Variants in PARD3B observed in about 807,000 individuals in gnomAD.
The protein encoded by PARD3B is partitioning defective 3 homolog B.
PARD3B carries 103 observed loss-of-function variants against 130.2 expected under a neutral mutation model. That is an observed-to-expected ratio of 0.79 (90% confidence interval 0.67 to 0.93). The LOEUF (loss-of-function observed/expected upper bound fraction) is 0.93. PARD3B is among the 40% of genes least tolerant of loss of function. The pLI is 0.00. For synonymous variants in PARD3B, 583 were observed against 553.2 expected, an observed-to-expected ratio of 1.05 and a Z score of -0.76; for missense variants, 1,609 against 1,499.2, an observed-to-expected ratio of 1.07 and a Z score of -1.21.
At chr2:204,556,040 C>T (rs2030900826) in intron 1 of PARD3B, among the ~76,000 whole-genome samples, 1 of 152,160 alleles carries the variant, frequency 6.6e-6, no homozygotes, top group Admixed American at 6.5e-5. Flanking sequence ...AGATATTTGT[C>T]TCTTTTGTTC....
At chr2:205,069,203 C>T (rs2125478721) in intron 4 of PARD3B, among the ~76,000 whole-genome samples, 1 of 152,044 alleles carries the variant, frequency 6.6e-6, no homozygotes, top group Admixed American at 6.5e-5. Context: ...GTTCTCTATC[C>T]ATATTAGTAA....
At chr2:204,795,893 CAT>C (rs1277535818) in intron 2 of PARD3B, among the ~76,000 whole-genome samples, 6 of 152,076 alleles carry the variant, frequency 3.9e-5, no homozygotes, top group South Asian at 2.1e-4. Context: ...TTGTGTATAA[CAT>C]ATGAATCCTG....
intron 4 of PARD3B, among the ~76,000 whole-genome samples, chr2:205,082,919 CTT>C (rs34303779): frequency 3.0e-4 from 41 of 136,542 alleles, no homozygotes; most frequent in Admixed American, 3.0e-4. Context: ...TAAAATATAT[CTT>C]TTTTTTTTTT....
At chr2:204,654,594 T>C (rs2035584814) in intron 1 of PARD3B, among the ~76,000 whole-genome samples, 1 of 152,182 alleles carries the variant, frequency 6.6e-6, no homozygotes, top group Non-Finnish European at 1.5e-5. Context: ...TATATCCATA[T>C]AGTGGATTTT....
At chr2:205,218,794 C>T (rs1444479171) in intron 15 of PARD3B, among the ~76,000 whole-genome samples, 2 of 151,900 alleles carry the variant, frequency 1.3e-5, no homozygotes, top group Non-Finnish European at 2.9e-5. Flanking sequence ...AAATTACTGC[C>T]TGTGGCTGGG....
chr2:204,865,381 A>G (rs1190282434), intron 2 of PARD3B, among the ~76,000 whole-genome samples: 5 of 152,244 alleles, frequency 3.3e-5, no homozygotes, highest in Non-Finnish European at 7.3e-5. Flanking sequence ...TGACTTCCAT[A>G]TGCAAATGCC....
At chr2:205,038,834 T>C (rs141880094) in intron 3 of PARD3B, among the ~76,000 whole-genome samples, 4 of 152,332 alleles carry the variant, frequency 2.6e-5, no homozygotes, top group South Asian at 2.1e-4. Context: ...TGACTTGAAC[T>C]TCCTTCCTCG....
intron 10 of PARD3B, among the ~76,000 whole-genome samples, chr2:205,154,166 C>A (rs1223651836): frequency 6.6e-6 from 1 of 152,076 alleles, no homozygotes; most frequent in Non-Finnish European, 1.5e-5. Context: ...GGGCTAATAT[C>A]CAGAATCTAC....
At chr2:205,361,630 G>A (rs1190738817) in intron 18 of PARD3B, among the ~76,000 whole-genome samples, 2 of 152,112 alleles carry the variant, frequency 1.3e-5, no homozygotes, top group Admixed American at 6.5e-5. Context: ...TTAAGGTAAC[G>A]TCTTTAGGTA....
At chr2:205,414,812 G>C (rs1395155293) in intron 19 of PARD3B, among the ~76,000 whole-genome samples, 2 of 151,934 alleles carry the variant, frequency 1.3e-5, no homozygotes, top group Admixed American at 6.6e-5. Context: ...GCCAAAGAAA[G>C]TTTCAAGTGC....
chr2:205,189,158 CTCTG>C (rs2036258292), intron 14 of PARD3B, among the ~76,000 whole-genome samples: 1 of 152,184 alleles, frequency 6.6e-6, no homozygotes, highest in African/African-American at 2.4e-5. Flanking sequence ...CTCTCTCTCT[CTCTG>C]TCTGTTTCTT....
In PARD3B at chr2:205,183,120, T is replaced by A. The variant is rs925853460; in HGVS notation, c.1925-2644T>A. 1.3e-5 allele frequency among the ~76,000 whole-genome samples: 2 copies of A among 152,044 alleles called. No homozygotes were observed. Among genetic ancestry groups the A allele is most frequent in the African/African-American group, 4.8e-5 (2 of 41,382 alleles). The stretch of plus-strand genomic sequence containing the variant: ...AGTAAAAGTGATATTTGGGTGGACC[T>A]TGGGAGAAGGGTAGGATTTTGACAG... On this transcript the variant is annotated intron_variant, in intron 13 of 22. Transcript: ENST00000406610. This position sits in a 1 kb window ranked among gnomAD's most constrained non-coding sequence, Gnocchi z 5.2.
intron 21 of PARD3B, among the ~76,000 whole-genome samples, chr2:205,534,474 T>C (rs573497490): frequency 2.6e-5 from 4 of 152,152 alleles, no homozygotes; most frequent in Non-Finnish European, 4.4e-5. Flanking sequence ...CACTTTTTTT[T>C]TTTGGAGACA....
At chr2:204,812,064 A>G (rs2042981104) in intron 2 of PARD3B, among the ~76,000 whole-genome samples, 1 of 152,132 alleles carries the variant, frequency 6.6e-6, no homozygotes, top group African/African-American at 2.4e-5. Context: ...AATCCATTCT[A>G]AACTTTTTTC....
chr2:204,889,196 G>A (rs149918799), intron 2 of PARD3B, among the ~76,000 whole-genome samples: 42 of 152,216 alleles, frequency 2.8e-4, no homozygotes, highest in African/African-American at 9.6e-4. Flanking sequence ...GTCCAGCTCT[G>A]AGCACATCAA....
intron 5 of PARD3B, among the ~76,000 whole-genome samples, chr2:205,111,299 C>T (rs555505629): frequency 9.2e-5 from 14 of 151,712 alleles, no homozygotes; most frequent in Non-Finnish European, 2.1e-4. Context: ...CTTCTAGCTA[C>T]AAAATTGCAA....
chr2:204,783,046 G>T (rs2041892359), intron 2 of PARD3B, among the ~76,000 whole-genome samples: 2 of 152,052 alleles, frequency 1.3e-5, no homozygotes, highest in South Asian at 4.1e-4. Context: ...AATTCAACAG[G>T]AAGTTATCTG....
chr2:205,557,564 A>G (rs1277996025), intron 22 of PARD3B, among the ~76,000 whole-genome samples: 1 of 152,070 alleles, frequency 6.6e-6, no homozygotes, highest in Admixed American at 6.6e-5. Context: ...TTCATCACTT[A>G]CCACCTGTGT....
chr2:205,491,224 G>T (rs1299877670), intron 20 of PARD3B, among the ~76,000 whole-genome samples: 1 of 152,132 alleles, frequency 6.6e-6, no homozygotes, highest in East Asian at 1.9e-4. Flanking sequence ...TTCTTCTAGG[G>T]TTTCTATGGT....
Sources: allele counts gnomAD v4.1 joint callset (sites outside exome capture counted in the v4.1 genomes callset), GRCh38; gene constraint gnomAD v4.1.1; non-coding constraint Gnocchi (gnomAD v3.1); transcripts MANE v1.5; gene names NCBI Gene and HGNC (gene_info 2026-07-23, HGNC 2026-07-21).